Variants in PTPRD observed in about 807,000 individuals in gnomAD.
PTPRD encodes protein tyrosine phosphatase receptor type D.
PTPRD carries 34 observed loss-of-function variants against 214.5 expected under a neutral mutation model. The observed-to-expected ratio is 0.16, with a 90% CI of 0.12 to 0.21. PTPRD has a LOEUF of 0.21. Among genes scored for constraint, PTPRD ranks in the 10% least tolerant of loss-of-function variants. The pLI is 1.00. For missense variants in PTPRD, 2,545 were observed against 2,398.7 expected (o/e 1.06, Z -1.27); for synonymous variants, 1,128 against 845.7 (o/e 1.33, Z -5.79).
intron 39 of PTPRD, among the ~76,000 whole-genome samples, chr9:8,344,685 G>T (rs1373296110): frequency 2.6e-5 from 4 of 151,986 alleles, no homozygotes; most frequent in African/African-American, 9.7e-5. Flanking sequence ...ATTCTTGAGG[G>T]ATTTAAACAT....
intron 8 of PTPRD, among the ~76,000 whole-genome samples, chr9:9,402,359 T>C (rs1404931798): frequency 6.6e-6 from 1 of 152,072 alleles, no homozygotes; most frequent in African/African-American, 2.4e-5. Flanking sequence ...AAGTCTCTCC[T>C]AAAAATCTGT....
At chr9:9,990,415 C>T (rs2154078130) in intron 4 of PTPRD, among the ~76,000 whole-genome samples, 1 of 152,298 alleles carries the variant, frequency 6.6e-6, no homozygotes, top group East Asian at 1.9e-4. Flanking sequence ...CATTTTCACC[C>T]CAACAGCTGC....
intron 3 of PTPRD, among the ~76,000 whole-genome samples, chr9:10,287,427 A>T (rs2095394322): frequency 1.3e-5 from 2 of 152,208 alleles, no homozygotes; most frequent in Admixed American, 6.5e-5. Flanking sequence ...TTCTTCCTGC[A>T]TTCAGTCCCC....
intron 10 of PTPRD, among the ~76,000 whole-genome samples, chr9:9,072,008 T>A (rs962923557): frequency 6.6e-6 from 1 of 152,140 alleles, no homozygotes; most frequent in African/African-American, 2.4e-5. Flanking sequence ...CACAGTCATA[T>A]CAGAGCTCCT....
intron 2 of PTPRD, among the ~76,000 whole-genome samples, chr9:10,581,723 C>T (rs1013440672): frequency 6.6e-6 from 1 of 152,046 alleles, no homozygotes; most frequent in Non-Finnish European, 1.5e-5. Context: ...ATTTCACTAT[C>T]CCTCAGTTTA....
intron 3 of PTPRD, among the ~76,000 whole-genome samples, chr9:10,228,110 T>G (rs561760438): frequency 1.3e-5 from 2 of 151,460 alleles, no homozygotes; most frequent in Admixed American, 1.3e-4. Flanking sequence ...CTTAAAACTT[T>G]AAAAAAAGAG....
At position 9,435,869 on chromosome 9, in the gene PTPRD, A is replaced by G. The variant is rs1204786515; in HGVS notation, c.-236-38387T>C. Among the ~76,000 whole-genome samples the G allele has an allele frequency of 3.3e-5, 5 of 152,326 alleles. No homozygotes were observed. In the East Asian group the frequency reaches 9.6e-4, roughly 29 times the overall value. ...TTTTTAATTACCAGCAAAAGATTTAATATTGTTGAAAAGCAAAGTAATGGA... is the reference window on the plus strand; with the variant it reads ...TTTTTAATTACCAGCAAAAGATTTAGTATTGTTGAAAAGCAAAGTAATGGA... On this transcript the variant is annotated intron_variant, in intron 8 of 45. Coordinates refer to ENST00000381196, the MANE Select transcript of PTPRD (RefSeq NM_002839.4).
intron 2 of PTPRD, among the ~76,000 whole-genome samples, chr9:10,359,036 G>A (rs886378438): frequency 2.0e-5 from 3 of 151,786 alleles, no homozygotes; most frequent in Non-Finnish European, 4.4e-5. Context: ...GCCTATGTGT[G>A]TATATATATT....
At chr9:9,145,459 TC>T (rs2099867034) in intron 10 of PTPRD, among the ~76,000 whole-genome samples, 1 of 100,032 alleles carries the variant, frequency 1.0e-5, no homozygotes, top group South Asian at 2.7e-4. Context: ...ACTATGAGAT[TC>T]TTTTTTTATT....
chr9:10,118,883 T>G (rs2098752343), intron 3 of PTPRD, among the ~76,000 whole-genome samples: 1 of 147,298 alleles, frequency 6.8e-6, no homozygotes, highest in South Asian at 2.1e-4. Context: ...AATAAATAAA[T>G]AAATAAATAA....
intron 8 of PTPRD, among the ~76,000 whole-genome samples, chr9:9,404,584 T>G (rs10759062): frequency 6.6e-6 from 1 of 152,024 alleles, no homozygotes; most frequent in Admixed American, 6.6e-5. Context: ...GTATCAGCTG[T>G]GTTGATTAGC....
intron 8 of PTPRD, among the ~76,000 whole-genome samples, chr9:9,414,977 C>G (rs1023658388): frequency 3.9e-5 from 6 of 152,214 alleles, no homozygotes; most frequent in African/African-American, 1.4e-4. Context: ...TGGCTTAATG[C>G]TTTACTTTTG....
rs181764414 is a variant in PTPRD, at chr9:10,427,180, C to T, written c.-599-86163G>A. 1.2e-3 allele frequency among the ~76,000 whole-genome samples: 184 copies of T among 152,084 alleles called. 2 individuals carry two copies. Among genetic ancestry groups the T allele is most frequent in the African/African-American group, 4.2e-3 (173 of 41,512 alleles). ...ACAGCCTCTACTTTAACAGCTATGACAGCATATAAAAACAGGTGGCCATGC... is the reference window on the plus strand; with the variant it reads ...ACAGCCTCTACTTTAACAGCTATGATAGCATATAAAAACAGGTGGCCATGC... On this transcript the variant is annotated intron_variant, in intron 2 of 45. Transcript: ENST00000381196.
At chr9:8,999,549 C>G (rs1004485244) in intron 11 of PTPRD, among the ~76,000 whole-genome samples, 13 of 151,958 alleles carry the variant, frequency 8.6e-5, no homozygotes, top group African/African-American at 2.7e-4. Flanking sequence ...CTCTAGGAAC[C>G]AAAAAATTCA....
intron 7 of PTPRD, among the ~76,000 whole-genome samples, chr9:9,621,538 C>T (rs2095238733): frequency 6.6e-6 from 1 of 152,184 alleles, no homozygotes; most frequent in African/African-American, 2.4e-5. Context: ...TTTGGATGCT[C>T]TCCTGTGGAT....
intron 5 of PTPRD, among the ~76,000 whole-genome samples, chr9:9,840,607 A>G (rs1262525448): frequency 6.6e-6 from 1 of 151,700 alleles, no homozygotes; most frequent in African/African-American, 2.4e-5. Context: ...AAGAAATGGG[A>G]AGGGAATTAG....
At chr9:10,398,402 T>C (rs1181470411) in intron 2 of PTPRD, among the ~76,000 whole-genome samples, 1 of 151,726 alleles carries the variant, frequency 6.6e-6, no homozygotes. Context: ...CCTATATCTA[T>C]ATATATATTT....
intron 9 of PTPRD, among the ~76,000 whole-genome samples, chr9:9,279,149 AAAT>A (rs1946736277): frequency 6.6e-6 from 1 of 150,906 alleles, no homozygotes; most frequent in Non-Finnish European, 1.5e-5. Flanking sequence ...TTTCATTTTC[AAAT>A]AATAGGCAGG....
intron 6 of PTPRD, among the ~76,000 whole-genome samples, chr9:9,737,458 A>G (rs2098319403): frequency 6.6e-6 from 1 of 152,126 alleles, no homozygotes; most frequent in Non-Finnish European, 1.5e-5. Flanking sequence ...TGTTTCTAAC[A>G]CCTTAAAAGA....
Sources: gnomAD v4.1 joint callset for allele counts (sites outside exome capture counted in the v4.1 genomes callset) on GRCh38, gnomAD v4.1.1 for gene constraint, MANE v1.5 for transcripts, NCBI Gene and HGNC (gene_info 2026-07-23, HGNC 2026-07-21) for gene names.